Variants in CCNG1 observed in about 807,000 individuals in gnomAD.
CCNG1 encodes the protein cyclin-G1.
CCNG1 carries 13 observed loss-of-function variants against 30.0 expected under a neutral mutation model. The ratio of observed to expected loss-of-function variants is 0.43; its 90% CI spans 0.28 to 0.69. The LOEUF is 0.69. Ranked by LOEUF, CCNG1 falls within the 30% of genes least tolerant of loss-of-function variation. The pLI is 0.16. For synonymous variants in CCNG1, 110 were observed against 121.5 expected (o/e 0.91, Z 0.62); for missense variants, 285 against 331.4 (o/e 0.86, Z 1.09).
Position 163,441,202 on chromosome 5 carries a change from C to T in CCNG1, c.389C>T (p.Thr130Met), listed in dbSNP as rs372062896. The change falls in exon 3 of 7, where the codon ACG becomes ATG. Residue 130 changes from threonine (T) to methionine (M), a missense_variant. Transcript: ENST00000340828. ...ATCCGAATAAGTCAATATAGGTTTA[C>T]GGTTTCAGACTTGATGAGAATGGAA... Reference protein sequence around the residue: ...DLIRISQYRFTVSDLMRMEKI... With the variant: ...DLIRISQYRFMVSDLMRMEKI... 3.7e-5 allele frequency: 60 copies of T among 1,613,938 alleles called. No individual in the cohort carries two copies. The highest frequency in any genetic ancestry group is 5.5e-5 in the South Asian group (5 of 91,072).
At position 163,443,709 on chromosome 5, in the gene CCNG1, T is replaced by C; in HGVS notation, c.*39T>C. ...GCACCAAAAAACTTCTCTGAAGCCT[T>C]TCTCCACAACCTTGTTCTATGGATT... On this transcript the variant is annotated 3_prime_UTR_variant, in exon 7 of 7. Transcript: ENST00000340828. 6.5e-7 allele frequency: 1 copy of C among 1,532,114 alleles called. No individual in the cohort carries two copies. The highest frequency in any genetic ancestry group is 2.0e-5 in the Admixed American group (1 of 50,968). The allele number at this position is 1,532,114 out of a possible 1,614,324, so 94.9% of individuals were successfully genotyped here.
chr5:163,444,680 T>C lies in CCNG1; in HGVS notation c.*1010T>C, dbSNP rs1233154189. On this transcript the variant is annotated 3_prime_UTR_variant, in exon 7 of 7. Transcript: ENST00000340828. ...CTGAAGTAGTGTTTAGGATCCTCCATGGCAGTTAGTGAATGTAAGAAGTAC... is the reference window on the plus strand; with the variant it reads ...CTGAAGTAGTGTTTAGGATCCTCCACGGCAGTTAGTGAATGTAAGAAGTAC... 1 of 152,662 alleles carries C rather than the reference T, an allele frequency of 6.6e-6. No individual in the cohort carries two copies. The highest frequency in any genetic ancestry group is 1.5e-5 in the Non-Finnish European group (1 of 68,038). 9.5% of individuals were successfully genotyped at this position (152,662 alleles called of 1,614,324 possible).
At chr5:163,453,692 T>C in the CCNG1 span, 7 of 228,896 alleles carry the variant, frequency 3.1e-5, no homozygotes, top group African/African-American at 1.4e-4. Flanking sequence ...GTATTAAAAA[T>C]ATGGTTAAAT....
the CCNG1 span, among the ~76,000 whole-genome samples, chr5:163,455,693 G>A: frequency 6.6e-6 from 1 of 150,550 alleles, no homozygotes; most frequent in Non-Finnish European, 1.5e-5. Flanking sequence ...GAATCCGGGA[G>A]GCGGAGCTTG....
In CCNG1 at chr5:163,444,296, T is replaced by A. The variant is rs371481198; in HGVS notation, c.*626T>A. On this transcript the variant is annotated 3_prime_UTR_variant, in exon 7 of 7. Coordinates refer to ENST00000340828, the MANE Select transcript of CCNG1 (RefSeq NM_004060.4). ...AAAGAAAAATACAGACCTATAAAGT[T>A]TGGCATATTCATTAAGTTATCTTTT... 5.2e-5 allele frequency: 8 copies of A among 152,760 alleles called. No homozygotes were observed. In the East Asian group the frequency reaches 1.5e-3, roughly 29 times the overall value. The allele number at this position is 152,760 out of a possible 1,614,324, so 9.5% of individuals were successfully genotyped here.
Position 163,444,529 on chromosome 5 carries a change from GTTT to G in CCNG1, c.*862_*864del, listed in dbSNP as rs902401376. 2 of 152,564 alleles carry G rather than the reference GTTT, an allele frequency of 1.3e-5. No individual in the cohort carries two copies. The highest frequency in any genetic ancestry group is 2.9e-5 in the Non-Finnish European group (2 of 68,016). The allele number at this position is 152,564 out of a possible 1,614,324, so 9.5% of individuals were successfully genotyped here. Reference sequence around the variant, plus strand: ...ACTCCAGAATTTTTTACTACAGACTGTTTTTAAGTTAGAAGTGATGGCAATTTT... The same window carrying G: ...ACTCCAGAATTTTTTACTACAGACTGTTAAGTTAGAAGTGATGGCAATTTT... On this transcript the variant is annotated 3_prime_UTR_variant, in exon 7 of 7. Transcript: ENST00000340828.
chr5:163,449,229 C>T (rs1306823966), downstream of CCNG1: 1 of 151,882 alleles, frequency 6.6e-6, no homozygotes, highest in Admixed American at 6.6e-5. Context: ...TGTTTCTATT[C>T]GTAGTTTATG....
At chr5:163,452,195 T>A in the CCNG1 span, 3 of 152,168 alleles carry the variant, frequency 2.0e-5, no homozygotes, top group African/African-American at 7.2e-5. Flanking sequence ...GTTTTCAATA[T>A]ACATAGATGC....
chr5:163,438,647 G>C (rs2069341), intron 1 of CCNG1, among the ~76,000 whole-genome samples: 2,033 of 152,320 alleles, frequency 0.013, 48 homozygotes, highest in African/African-American at 0.046. Flanking sequence ...TCGGTATCCT[G>C]TCTTACGGTG....
chr5:163,456,993 G>A, the CCNG1 span: 5 of 1,612,942 alleles, frequency 3.1e-6, no homozygotes, highest in African/African-American at 6.7e-5. Context: ...AGGATCCGCT[G>A]CATATTCAGA....
intron 1 of CCNG1, among the ~76,000 whole-genome samples, chr5:163,438,251 G>C (rs1561614512): frequency 6.6e-6 from 1 of 151,116 alleles, no homozygotes; most frequent in Non-Finnish European, 1.5e-5. Flanking sequence ...GCCCCAATAC[G>C]TGCTCCTAAT....
chr5:163,448,036 C>CT (rs1260865180), downstream of CCNG1: 1 of 151,886 alleles, frequency 6.6e-6, no homozygotes, highest in Non-Finnish European at 1.5e-5. Context: ...TGGCACACCA[C>CT]TATAGTCCCA....
chr5:163,440,942 A>G, intron 2 of CCNG1, 136 bp from the exon 3 acceptor site: 1 of 949,122 alleles, frequency 1.1e-6, no homozygotes, highest in Non-Finnish European at 1.5e-6. Flanking sequence ...GGATTGTGTT[A>G]AGTCCATCAC....
At chr5:163,440,948 A>G in intron 2 of CCNG1, 130 bp from the exon 3 acceptor site, 1 of 1,015,322 alleles carries the variant, frequency 9.8e-7, no homozygotes, top group Non-Finnish European at 1.4e-6. Flanking sequence ...TGTTAAGTCC[A>G]TCACAGCTGA....
At chr5:163,440,482 A>G (rs1054634235) in intron 2 of CCNG1, among the ~76,000 whole-genome samples, 3 of 152,194 alleles carry the variant, frequency 2.0e-5, no homozygotes, top group South Asian at 2.1e-4. Flanking sequence ...AGATATTAAT[A>G]CTGGTAAAAG....
chr5:163,440,353 A>AT (rs1381868790), intron 2 of CCNG1, among the ~76,000 whole-genome samples: 1 of 152,236 alleles, frequency 6.6e-6, no homozygotes, highest in Non-Finnish European at 1.5e-5. Flanking sequence ...ATTCAGTCTT[A>AT]TGTGAGAATA....
the CCNG1 span, among the ~76,000 whole-genome samples, chr5:163,456,672 A>G: frequency 6.6e-6 from 1 of 152,214 alleles, no homozygotes; most frequent in Non-Finnish European, 1.5e-5. Context: ...GTAAGAGTTT[A>G]TTCATGCATT....
the CCNG1 span, chr5:163,456,860 A>T: frequency 1.8e-6 from 2 of 1,083,038 alleles, no homozygotes; most frequent in South Asian, 5.6e-5. Flanking sequence ...TTGAGTTTTA[A>T]TTTCAAATAT....
chr5:163,457,140 T>C, the CCNG1 span: 1 of 619,398 alleles, frequency 1.6e-6, no homozygotes, highest in Non-Finnish European at 2.1e-6. Context: ...CATCAAGTTG[T>C]TTTTTTTTTT....
Sources: gnomAD v4.1 joint callset for allele counts (sites outside exome capture counted in the v4.1 genomes callset) on GRCh38, gnomAD v4.1.1 for gene constraint, MANE v1.5 for transcripts, NCBI Gene and HGNC (gene_info 2026-07-23, HGNC 2026-07-21) for gene names.